The following ABCA12 variants were observed in gnomAD, a reference collection of about 807,000 sequenced individuals.
ABCA12 encodes glucosylceramide transporter ABCA12.
A neutral mutation model predicts 293.5 loss-of-function variants in ABCA12; 156 were observed. The observed-to-expected ratio is 0.53, with a 90% confidence interval of 0.47 to 0.61. The LOEUF (loss-of-function observed/expected upper bound fraction) is 0.61. Ranked by LOEUF, ABCA12 falls within the 20% of genes least tolerant of loss-of-function variation. The probability of loss-of-function intolerance (pLI) is 0.00; values close to 1 mark genes in which losing one functional copy is unlikely to be tolerated. For missense variants in ABCA12, 2,797 were observed against 3,090.2 expected, an observed-to-expected ratio of 0.91 and a Z score of 2.25; for synonymous variants, 1,063 against 1,108.0, an observed-to-expected ratio of 0.96 and a Z score of 0.81.
intron 34 of ABCA12, 49 bp downstream of exon 34, chr2:214,975,736 C>A (rs529569006): frequency 6.2e-7 from 1 of 1,612,382 alleles, no homozygotes; most frequent in South Asian, 1.1e-5. Flanking sequence ...CAACCACACT[C>A]CTGGAAGCAT....
At chr2:214,947,110 C>T (rs1698605919) in intron 48 of ABCA12, among the ~76,000 whole-genome samples, 1 of 152,148 alleles carries the variant, frequency 6.6e-6, no homozygotes, top group African/African-American at 2.4e-5. Context: ...CTACCATATT[C>T]CGTAACTTAC....
At chr2:214,987,400 T>G (rs1699811662) in intron 27 of ABCA12, among the ~76,000 whole-genome samples, 1 of 152,154 alleles carries the variant, frequency 6.6e-6, no homozygotes, top group African/African-American at 2.4e-5. Context: ...TGAGTCTAAC[T>G]GGACCACAAA....
At chr2:214,997,280 C>T (rs770255676) in intron 23 of ABCA12, among the ~76,000 whole-genome samples, 2 of 152,098 alleles carry the variant, frequency 1.3e-5, no homozygotes, top group Non-Finnish European at 2.9e-5. Context: ...TGCCATATGT[C>T]TATGTCTATG....
At chr2:215,134,962 ATTAT>A (rs1190924666) in intron 1 of ABCA12, among the ~76,000 whole-genome samples, 1 of 151,286 alleles carries the variant, frequency 6.6e-6, no homozygotes, top group Non-Finnish European at 1.5e-5. Context: ...TTAAAAAAAA[ATTAT>A]TTATTTTTCT....
chr2:215,093,599 T>C (rs750783366), intron 2 of ABCA12, among the ~76,000 whole-genome samples: 1 of 152,250 alleles, frequency 6.6e-6, no homozygotes, highest in Admixed American at 6.5e-5. Context: ...CTGGACCTCA[T>C]GTCTGCGTGC....
chr2:215,037,203 T>C, intron 7 of ABCA12, 138 bp from the exon 8 acceptor site: 1 of 706,484 alleles, frequency 1.4e-6, no homozygotes, highest in Admixed American at 2.2e-5. Flanking sequence ...TTTTGTAATT[T>C]AATTACTTGT....
At chr2:215,086,289 G>T (rs1166557625) in intron 2 of ABCA12, among the ~76,000 whole-genome samples, 2 of 152,154 alleles carry the variant, frequency 1.3e-5, no homozygotes, top group Non-Finnish European at 2.9e-5. Flanking sequence ...CAATCCAGAG[G>T]CTGTTAGTTA....
chr2:214,989,093 C>T (rs1372246079), intron 26 of ABCA12, among the ~76,000 whole-genome samples: 1 of 146,470 alleles, frequency 6.8e-6, no homozygotes, highest in African/African-American at 2.5e-5. Context: ...GCAGGAGAAT[C>T]GCTTGAACCT....
intron 1 of ABCA12, among the ~76,000 whole-genome samples, chr2:215,126,997 T>C (rs973794143): frequency 2.0e-5 from 3 of 152,174 alleles, no homozygotes; most frequent in Non-Finnish European, 2.9e-5. Flanking sequence ...TGTGTCATTA[T>C]TGTTGTTGAG....
At chr2:215,133,737 C>A (rs1242804640) in intron 1 of ABCA12, among the ~76,000 whole-genome samples, 1 of 152,032 alleles carries the variant, frequency 6.6e-6, no homozygotes, top group Non-Finnish European at 1.5e-5. Context: ...ATTTCTTTGG[C>A]AATACAATTG....
At position 215,093,230 on chromosome 2, in the gene ABCA12, G is replaced by A. The variant is rs188097106; in HGVS notation, c.163+18367C>T. On this transcript the variant is annotated intron_variant, in intron 2 of 52. Transcript: ENST00000272895. ...TGTGCTCTCCCTGCTGATCATGTCC[G>A]GCTAATCTCCCAAACTCCAACCCCT... is the stretch of plus-strand genomic sequence containing the variant. Among the ~76,000 whole-genome samples, 51 of 152,168 alleles carry A rather than the reference G, an allele frequency of 3.4e-4. 1 individual carries two copies. Among genetic ancestry groups the A allele is most frequent in the Admixed American group, 3.0e-3 (46 of 15,278 alleles).
chr2:214,965,929 T>G (rs1386710037), intron 39 of ABCA12, among the ~76,000 whole-genome samples: 2 of 152,216 alleles, frequency 1.3e-5, no homozygotes, highest in African/African-American at 4.8e-5. Flanking sequence ...TAAAGATACA[T>G]GCACATGTAT....
chr2:215,113,170 ATCC>A (rs1702614151), intron 1 of ABCA12, among the ~76,000 whole-genome samples: 3 of 152,156 alleles, frequency 2.0e-5, no homozygotes, highest in Non-Finnish European at 4.4e-5. Context: ...TGAATTACTG[ATCC>A]TTAAATAACT....
At position 214,953,992 on chromosome 2, in the gene ABCA12, T is replaced by C; in HGVS notation, c.6509A>G (p.Lys2170Arg). Residue 2170 changes from lysine to arginine, a missense_variant, in exon 44 of 53, where the codon AAA (lysine) becomes AGA (arginine). Lys to Arg is a conservative substitution (Grantham distance 26). This residue lies in a region of ABCA12 where 2,130 missense variants were observed against 2,427.0 expected (regional missense o/e 0.88). Transcript: ENST00000272895. The stretch of plus-strand genomic sequence containing the variant: ...ATTTGGGTATTCCACTCCATATGCT[T>C]TTAAGAAGTCTAGGACCGACTGTTG... ...SQQQSVLDFL[K>R]AYGVEYPNET... 1 of 1,614,080 alleles carries C rather than the reference T, an allele frequency of 6.2e-7. No homozygotes were observed.
chr2:215,049,660 G>A lies in ABCA12; in HGVS notation c.659C>T (p.Ser220Phe). 1 of 1,613,482 alleles carries A rather than the reference G, an allele frequency of 6.2e-7. No homozygotes were observed. The highest frequency in any genetic ancestry group is 8.5e-7 in the Non-Finnish European group (1 of 1,179,630). ...FCLSNMTLLESSLQELNKQFS... is the reference protein window; with the variant it reads ...FCLSNMTLLEFSLQELNKQFS... ...CTGTTTGTTTAGTTCTTGGAGAGAAGACTCTAAAAGGGTCATGTTAGAAAG... is the reference window on the plus strand; with the variant it reads ...CTGTTTGTTTAGTTCTTGGAGAGAAAACTCTAAAAGGGTCATGTTAGAAAG... The change falls in exon 6 of 53, where the codon TCT becomes TTT. Residue 220 changes from serine (S) to phenylalanine (F), a missense_variant. Transcript: ENST00000272895.
chr2:215,106,865 G>A (rs1250211734), intron 2 of ABCA12, among the ~76,000 whole-genome samples: 2 of 152,052 alleles, frequency 1.3e-5, no homozygotes, highest in African/African-American at 4.8e-5. Context: ...TATAAATTTG[G>A]ATATAATTCA....
intron 9 of ABCA12, 21 bp downstream of exon 9, chr2:215,031,800 T>G (rs776446125): frequency 6.2e-7 from 1 of 1,613,574 alleles, no homozygotes; most frequent in Middle Eastern, 1.6e-4. Flanking sequence ...TCTACCTATT[T>G]AGAAATAAAC....
chr2:215,138,093 G>A (rs1363004025), intron 1 of ABCA12, 47 bp downstream of exon 1: 1 of 1,536,454 alleles, frequency 6.5e-7, no homozygotes, highest in Non-Finnish European at 9.0e-7. Context: ...AGGATTACCT[G>A]GCGTATTGCC....
At chr2:215,042,814 G>A (rs1701125986) in intron 7 of ABCA12, among the ~76,000 whole-genome samples, 1 of 151,980 alleles carries the variant, frequency 6.6e-6, no homozygotes, top group African/African-American at 2.4e-5. Flanking sequence ...CTATCTAATT[G>A]TAACTTTCTA....
Sources: gnomAD v4.1 joint callset for allele counts (sites outside exome capture counted in the v4.1 genomes callset) on GRCh38, gnomAD v4.1.1 for gene constraint, gnomAD v4.1.1 regional missense constraint, MANE v1.5 for transcripts, NCBI Gene and HGNC (gene_info 2026-07-23, HGNC 2026-07-21) for gene names.